Variants in RNF144B observed in about 807,000 individuals in gnomAD.
RNF144B encodes E3 ubiquitin-protein ligase RNF144B.
In RNF144B, 25 loss-of-function variants were observed where a neutral mutation model predicts 40.2. That is an observed-to-expected ratio of 0.62 (90% confidence interval 0.45 to 0.87). The LOEUF (loss-of-function observed/expected upper bound fraction) is 0.87. RNF144B is among the 40% of genes least tolerant of loss of function. The pLI, the probability that RNF144B is intolerant of heterozygous loss-of-function variation, is 0.00. For missense variants in RNF144B, 365 were observed against 373.7 expected, an observed-to-expected ratio of 0.98 and a Z score of 0.19; for synonymous variants, 145 against 136.3, an observed-to-expected ratio of 1.06 and a Z score of -0.44.
At chr6:18,409,584 T>C (rs1170037803) in intron 2 of RNF144B, among the ~76,000 whole-genome samples, 1 of 147,356 alleles carries the variant, frequency 6.8e-6, no homozygotes, top group Non-Finnish European at 1.5e-5. Flanking sequence ...TTTTTTTACT[T>C]TTTGAGATGG....
rs545612276 is a variant in RNF144B, at chr6:18,465,691, G to A, written c.*624G>A. ...CTTGTGTGATCTCAGCTTCAAGCAG[G>A]TGAAACTGCTGTGCAGAGGGAGTTG... On this transcript the variant is annotated 3_prime_UTR_variant, in exon 8 of 8. Coordinates refer to ENST00000259939, the MANE Select transcript of RNF144B (RefSeq NM_182757.4). 1 of 152,404 alleles carries A rather than the reference G, an allele frequency of 6.6e-6. No individual in the cohort carries two copies. Among genetic ancestry groups the A allele is most frequent in the African/African-American group, 2.4e-5 (1 of 41,578 alleles). 9.4% of individuals were successfully genotyped at this position (152,404 alleles called of 1,614,324 possible).
intron 1 of RNF144B, among the ~76,000 whole-genome samples, chr6:18,391,249 C>A (rs529757271): frequency 2.6e-5 from 4 of 152,150 alleles, no homozygotes; most frequent in African/African-American, 9.7e-5. Flanking sequence ...CTTTAAGTGG[C>A]GTTCCTTCCT....
At chr6:18,437,081 G>A (rs1183637807) in intron 3 of RNF144B, among the ~76,000 whole-genome samples, 1 of 152,086 alleles carries the variant, frequency 6.6e-6, no homozygotes, top group African/African-American at 2.4e-5. Flanking sequence ...TGTATGTCCT[G>A]TCTCATTGTA....
Position 18,405,111 on chromosome 6 carries a change from G to A in RNF144B, c.165+5412G>A, listed in dbSNP as rs985967503. ...GCACTGTATTATTCTGTTGGTTTCT[G>A]GTACCTAAATATGCTTGCTTGCAAG... On this transcript the variant is annotated intron_variant, in intron 2 of 7. Coordinates refer to ENST00000259939, the MANE Select transcript of RNF144B (RefSeq NM_182757.4). This position sits in a 1 kb window ranked among gnomAD's most constrained non-coding sequence, Gnocchi z 4.5. 3.3e-5 allele frequency among the ~76,000 whole-genome samples: 5 copies of A among 151,188 alleles called. No homozygotes were observed. Among genetic ancestry groups the A allele is most frequent in the African/African-American group, 9.7e-5 (4 of 41,130 alleles).
In RNF144B at chr6:18,422,622, G is replaced by A. The variant is rs1342387768; in HGVS notation, c.166-4959G>A. ...GTCCTCCTTTGACCACAGGACCCCA[G>A]CGCCTGCATCCAGAAGCATCTAAGA... On this transcript the variant is annotated intron_variant, in intron 2 of 7. Transcript: ENST00000259939. The surrounding 1 kb of genome is among the most constrained non-coding windows in gnomAD (Gnocchi z 4.7). 4.6e-5 allele frequency among the ~76,000 whole-genome samples: 7 copies of A among 152,130 alleles called. No individual in the cohort carries two copies. Among genetic ancestry groups the A allele is most frequent in the African/African-American group, 1.7e-4 (7 of 41,432 alleles).
intron 3 of RNF144B, among the ~76,000 whole-genome samples, chr6:18,435,766 G>T (rs532231607): frequency 1.3e-5 from 2 of 151,012 alleles, no homozygotes; most frequent in Admixed American, 1.3e-4. Context: ...GCAAACTATC[G>T]CAAGGACAAA....
At chr6:18,420,371 AGAAGCCTGAGTGTCTACTAT>A (rs1795233107) in intron 2 of RNF144B, among the ~76,000 whole-genome samples, 1 of 152,090 alleles carries the variant, frequency 6.6e-6, no homozygotes, top group African/African-American at 2.4e-5. Context: ...CAGCTCTCAG[AGAAGCCTGAGTGTCTACTAT>A]GTGCCAGGTC....
intron 3 of RNF144B, among the ~76,000 whole-genome samples, chr6:18,429,881 G>T (rs35875982): frequency 6.6e-6 from 1 of 152,142 alleles, no homozygotes; most frequent in East Asian, 1.9e-4. Context: ...AATAAGAAAG[G>T]CCCGCTAGTG....
rs1384986847 is a variant in RNF144B at position 18,465,401 on chromosome 6, A to G, written c.*334A>G. On this transcript the variant is annotated 3_prime_UTR_variant, in exon 8 of 8. Transcript: ENST00000259939. ...TTCAAGGAGCTTGCGGGAACATTTGATATAACAAATGTGTTGTCATTGTTG... is the reference window on the plus strand; with the variant it reads ...TTCAAGGAGCTTGCGGGAACATTTGGTATAACAAATGTGTTGTCATTGTTG... 1.6e-5 allele frequency: 4 copies of G among 247,300 alleles called. No individual in the cohort carries two copies. Among genetic ancestry groups the G allele is most frequent in the African/African-American group, 6.7e-5 (3 of 44,776 alleles). 15.3% of individuals were successfully genotyped at this position (247,300 alleles called of 1,614,324 possible).
rs1253326444 is a variant in RNF144B at position 18,427,634 on chromosome 6, C to T, written c.219C>T (p.Ile73=). 1.2e-6 allele frequency: 2 copies of T among 1,613,790 alleles called. No homozygotes were observed. The highest frequency in any genetic ancestry group is 8.5e-7 in the Non-Finnish European group (1 of 1,179,808). The part of the protein sequence containing the change: ...LAIREGCGSP[I]TCPDMVCLNH... ...TCCGAGAAGGATGTGGGTCTCCCAT[C>T]ACTTGCCCTGACATGGTGTGCCTAA... Residue 73 remains isoleucine, a synonymous_variant, in exon 3 of 8, where the codon ATC becomes ATT. Transcript: ENST00000259939.
At chr6:18,455,048 AC>A (rs1448735436) in intron 4 of RNF144B, among the ~76,000 whole-genome samples, 1 of 152,234 alleles carries the variant, frequency 6.6e-6, no homozygotes, top group African/African-American at 2.4e-5. Context: ...TTACATACTA[AC>A]CTTCATTTCT....
Position 18,447,524 on chromosome 6 carries a change from G to A in RNF144B, c.331+7780G>A, listed in dbSNP as rs1366944578. ...TCCATTTTAGAAGATTACTGTCGCTGCTGCAGAAGAGTGGATGGTAATGGA... is the reference window on the plus strand; with the variant it reads ...TCCATTTTAGAAGATTACTGTCGCTACTGCAGAAGAGTGGATGGTAATGGA... On this transcript the variant is annotated intron_variant, in intron 4 of 7. Transcript: ENST00000259939. The surrounding 1 kb of genome is among the most constrained non-coding windows in gnomAD (Gnocchi z 5.6). 1.3e-5 allele frequency among the ~76,000 whole-genome samples: 2 copies of A among 152,178 alleles called. No individual in the cohort carries two copies. Among genetic ancestry groups the A allele is most frequent in the Non-Finnish European group, 2.9e-5 (2 of 68,034 alleles).
At chr6:18,401,298 A>T (rs1381971103) in intron 2 of RNF144B, among the ~76,000 whole-genome samples, 2 of 152,198 alleles carry the variant, frequency 1.3e-5, no homozygotes, top group African/African-American at 4.8e-5. Flanking sequence ...CTGATTCAAA[A>T]CAGCATGGCT....
Position 18,422,336 on chromosome 6 carries a change from T to C in RNF144B, c.166-5245T>C, listed in dbSNP as rs1185543649. On this transcript the variant is annotated intron_variant, in intron 2 of 7. Coordinates refer to ENST00000259939, the MANE Select transcript of RNF144B (RefSeq NM_182757.4). The surrounding 1 kb of genome is among the most constrained non-coding windows in gnomAD (Gnocchi z 4.7). ...ATGTTGTTCTCAGTGTGAGATGTTA[T>C]TTAGAACACACTGGAAACATTGTGA... is the stretch of plus-strand genomic sequence containing the variant. 6.6e-6 allele frequency among the ~76,000 whole-genome samples: 1 copy of C among 152,188 alleles called. No individual in the cohort carries two copies. Among genetic ancestry groups the C allele is most frequent in the Non-Finnish European group, 1.5e-5 (1 of 68,030 alleles).
intron 2 of RNF144B, among the ~76,000 whole-genome samples, chr6:18,408,555 C>G (rs1029420355): frequency 4.6e-5 from 7 of 152,212 alleles, no homozygotes; most frequent in African/African-American, 7.2e-5. Context: ...GATCCCTCTT[C>G]AGGGCAATGT....
At chr6:18,402,846 A>G (rs1562041158) in intron 2 of RNF144B, among the ~76,000 whole-genome samples, 1 of 152,230 alleles carries the variant, frequency 6.6e-6, no homozygotes, top group Non-Finnish European at 1.5e-5. Flanking sequence ...GGTTTCTGCT[A>G]GACTGTTTGC....
rs1215600973 is a variant in RNF144B at position 18,441,258 on chromosome 6, C to T, written c.331+1514C>T. ...CAATTATAATTAGAACATGGACATT[C>T]CCAGTATTCACCCTGTGGATGCCTG... On this transcript the variant is annotated intron_variant, in intron 4 of 7. Coordinates refer to ENST00000259939, the MANE Select transcript of RNF144B (RefSeq NM_182757.4). The surrounding 1 kb of genome is among the most constrained non-coding windows in gnomAD (Gnocchi z 4.9). Among the ~76,000 whole-genome samples the T allele has an allele frequency of 1.3e-5, 2 of 152,192 alleles. No individual in the cohort carries two copies. The highest frequency in any genetic ancestry group is 4.8e-5 in the African/African-American group (2 of 41,446).
Position 18,450,402 on chromosome 6 carries a change from AT to A in RNF144B, c.332-6751del, listed in dbSNP as rs1274739308. Among the ~76,000 whole-genome samples the A allele has an allele frequency of 6.6e-6, 1 of 151,786 alleles. No individual in the cohort carries two copies. Among genetic ancestry groups the A allele is most frequent in the Admixed American group, 6.6e-5 (1 of 15,234 alleles). On this transcript the variant is annotated intron_variant, in intron 4 of 7. Transcript: ENST00000259939. The surrounding 1 kb of genome is among the most constrained non-coding windows in gnomAD (Gnocchi z 4.7). ...GATCTCCGCCTCCCGGGTTCAAGTG[AT>A]TCTCCTGCCTCAGCCTCCCGAGTAG...
chr6:18,463,188 C>A (rs977883639), intron 6 of RNF144B, 103 bp from the exon 7 acceptor site: 1 of 719,002 alleles, frequency 1.4e-6, no homozygotes, highest in South Asian at 1.6e-5. Flanking sequence ...ACTGATATCA[C>A]CAGAGAAAAA....
Sources: gnomAD v4.1 joint callset for allele counts (sites outside exome capture counted in the v4.1 genomes callset) on GRCh38, gnomAD v4.1.1 for gene constraint, Gnocchi (gnomAD v3.1) non-coding constraint, MANE v1.5 for transcripts, NCBI Gene and HGNC (gene_info 2026-07-23, HGNC 2026-07-21) for gene names.